TMC1: variants seen among roughly 807,000 people sequenced by gnomAD.
TMC1 encodes transmembrane channel-like protein 1.
A neutral mutation model predicts 105.8 loss-of-function variants in TMC1; 84 were observed. That is an observed-to-expected ratio of 0.79 (90% CI 0.67 to 0.95). The LOEUF (loss-of-function observed/expected upper bound fraction) is 0.95. Ranked by LOEUF, TMC1 falls within the 40% of genes least tolerant of loss-of-function variation. The pLI, the probability that TMC1 is intolerant of heterozygous loss-of-function variation, is 0.00. For missense variants in TMC1, 817 were observed against 914.1 expected (o/e 0.89, Z 1.37); for synonymous variants, 315 against 311.5 (o/e 1.01, Z -0.12).
At chr9:72,742,659 C>A (rs1440493895) in intron 10 of TMC1, 134 bp downstream of exon 10, 2 of 804,916 alleles carry the variant, frequency 2.5e-6, no homozygotes, top group African/African-American at 1.7e-5. Context: ...AAAACCAAAT[C>A]AACAAAAACT....
At chr9:72,583,113 T>C (rs1011671677) in intron 2 of TMC1, among the ~76,000 whole-genome samples, 22 of 152,180 alleles carry the variant, frequency 1.4e-4, no homozygotes, top group Admixed American at 6.5e-4. Context: ...TCCCAGCTAC[T>C]CAGGAGGCTG....
intron 5 of TMC1, among the ~76,000 whole-genome samples, chr9:72,670,792 T>A (rs570646755): frequency 1.4e-4 from 21 of 152,232 alleles, no homozygotes; most frequent in African/African-American, 5.1e-4. Flanking sequence ...AGATTAGATA[T>A]AGAAGAAGGA....
chr9:72,803,279 A>G (rs1828508535), intron 17 of TMC1, among the ~76,000 whole-genome samples: 1 of 152,162 alleles, frequency 6.6e-6, no homozygotes, highest in South Asian at 2.1e-4. Flanking sequence ...TATAAAAACC[A>G]TAGAAGAAAA....
Position 72,669,655 on chromosome 9 carries a change from A to G in TMC1, c.17-19054A>G, listed in dbSNP as rs568480604. ...CCTGGGGATGAGCCGATGTGAAACA[A>G]AAGAGAAAGGGTAAGAGATAGCTAG... On this transcript the variant is annotated intron_variant, in intron 5 of 23. Coordinates refer to ENST00000297784, the MANE Select transcript of TMC1 (RefSeq NM_138691.3). Among the ~76,000 whole-genome samples, 203 of 152,296 alleles carry G rather than the reference A, an allele frequency of 1.3e-3. 1 individual carries two copies. Among genetic ancestry groups the G allele is most frequent in the African/African-American group, 4.7e-3 (194 of 41,550 alleles).
intron 1 of TMC1, among the ~76,000 whole-genome samples, chr9:72,558,058 TA>T (rs1345726786): frequency 6.6e-6 from 1 of 152,060 alleles, no homozygotes; most frequent in Non-Finnish European, 1.5e-5. Context: ...AGGAATAAAA[TA>T]AAAATGCTTC....
chr9:72,814,015 A>G (rs1389188137), intron 18 of TMC1, among the ~76,000 whole-genome samples: 2 of 152,168 alleles, frequency 1.3e-5, no homozygotes, highest in Non-Finnish European at 2.9e-5. Context: ...ATGCTTTTCT[A>G]GTCAACTAGT....
At chr9:72,670,403 A>G (rs1826110253) in intron 5 of TMC1, among the ~76,000 whole-genome samples, 1 of 152,178 alleles carries the variant, frequency 6.6e-6, no homozygotes. Context: ...AAAGGATAAA[A>G]CTGTTTCCAG....
intron 10 of TMC1, among the ~76,000 whole-genome samples, chr9:72,749,224 G>A (rs1299564085): frequency 6.6e-6 from 1 of 152,118 alleles, no homozygotes; most frequent in African/African-American, 2.4e-5. Context: ...GCAATAATTA[G>A]AAAAACAAAA....
chr9:72,608,788 T>C (rs1248898672), intron 2 of TMC1, among the ~76,000 whole-genome samples: 3 of 152,284 alleles, frequency 2.0e-5, no homozygotes, highest in South Asian at 2.1e-4. Flanking sequence ...TTTAGTCCTT[T>C]AATTATAGTG....
chr9:72,716,282 G>A (rs1826917156), intron 8 of TMC1, among the ~76,000 whole-genome samples: 2 of 152,202 alleles, frequency 1.3e-5, no homozygotes, highest in Admixed American at 6.5e-5. Context: ...ATCAGAGCTG[G>A]AACCCAGTGT....
chr9:72,702,296 CT>C (rs1826658770), intron 8 of TMC1, among the ~76,000 whole-genome samples: 1 of 152,126 alleles, frequency 6.6e-6, no homozygotes, highest in Non-Finnish European at 1.5e-5. Context: ...AAATACCCCC[CT>C]GGTCTTTGCC....
chr9:72,544,935 C>A (rs1021975695), intron 1 of TMC1, among the ~76,000 whole-genome samples: 8 of 151,852 alleles, frequency 5.3e-5, no homozygotes, highest in Admixed American at 1.3e-4. Flanking sequence ...TTATCCTTCA[C>A]CCCCCCAAGT....
chr9:72,615,643 A>G (rs145055744), intron 2 of TMC1, among the ~76,000 whole-genome samples: 39 of 152,302 alleles, frequency 2.6e-4, no homozygotes, highest in African/African-American at 7.9e-4. Context: ...TTAAAAAACC[A>G]TATCCTTCAA....
chr9:72,743,259 T>TG (rs1424741006), intron 10 of TMC1, among the ~76,000 whole-genome samples: 1 of 148,184 alleles, frequency 6.7e-6, no homozygotes, highest in Non-Finnish European at 1.5e-5. Flanking sequence ...CCCAGCTACT[T>TG]GGGAGGCTGA....
intron 8 of TMC1, among the ~76,000 whole-genome samples, chr9:72,710,521 A>G (rs890023183): frequency 6.6e-6 from 1 of 152,134 alleles, no homozygotes; most frequent in Non-Finnish European, 1.5e-5. Context: ...TAAATTTGGG[A>G]GCTCCAGTGT....
chr9:72,789,905 T>C (rs1828237859), intron 15 of TMC1, among the ~76,000 whole-genome samples: 1 of 152,232 alleles, frequency 6.6e-6, no homozygotes, highest in Admixed American at 6.5e-5. Flanking sequence ...TCCTGTCCTG[T>C]ACCTTACTTT....
At chr9:72,727,634 A>C (rs1326441989) in intron 8 of TMC1, among the ~76,000 whole-genome samples, 1 of 152,092 alleles carries the variant, frequency 6.6e-6, no homozygotes, top group African/African-American at 2.4e-5. Flanking sequence ...AGAATTGTTG[A>C]GATATGGTTT....
chr9:72,799,362 G>A (rs1828430394), intron 17 of TMC1, among the ~76,000 whole-genome samples: 1 of 151,948 alleles, frequency 6.6e-6, no homozygotes, highest in African/African-American at 2.4e-5. Flanking sequence ...ACTAGCATTA[G>A]TCTTATAAAA....
At chr9:72,796,043 C>T (rs1828360622) in intron 17 of TMC1, among the ~76,000 whole-genome samples, 1 of 151,120 alleles carries the variant, frequency 6.6e-6, no homozygotes, top group Non-Finnish European at 1.5e-5. Context: ...AAAAACAAAA[C>T]ACACACATGC....
Sources: gnomAD v4.1 joint callset for allele counts (sites outside exome capture counted in the v4.1 genomes callset) on GRCh38, gnomAD v4.1.1 for gene constraint, MANE v1.5 for transcripts, NCBI Gene and HGNC (gene_info 2026-07-23, HGNC 2026-07-21) for gene names.